ATP8B4: variants seen among roughly 807,000 people sequenced by gnomAD.
ATP8B4 encodes ATPase phospholipid transporting 8B4 (putative).
Under a neutral mutation model 145.6 loss-of-function variants are expected in ATP8B4, and 133 were observed. The observed-to-expected ratio is 0.91, with a 90% CI of 0.79 to 1.05. The LOEUF (loss-of-function observed/expected upper bound fraction) is 1.05. Among genes scored for constraint, ATP8B4 ranks in the 50% least tolerant of loss-of-function variants. ATP8B4 has a pLI of 0.00. For missense variants in ATP8B4, 1,458 were observed against 1,425.2 expected, an observed-to-expected ratio of 1.02 and a Z score of -0.37; for synonymous variants, 507 against 492.9, an observed-to-expected ratio of 1.03 and a Z score of -0.38.
At chr15:49,924,867 G>T (rs1414284936) in intron 16 of ATP8B4, among the ~76,000 whole-genome samples, 3 of 152,126 alleles carry the variant, frequency 2.0e-5, no homozygotes, top group Non-Finnish European at 4.4e-5. Context: ...TTAAACCAGG[G>T]GGGGAAACTT....
intron 1 of ATP8B4, among the ~76,000 whole-genome samples, chr15:50,157,564 T>C: frequency 6.6e-6 from 1 of 152,166 alleles, no homozygotes; most frequent in Non-Finnish European, 1.5e-5. Context: ...TCCAGGTTTG[T>C]TGTTGTTTGT....
intron 6 of ATP8B4, among the ~76,000 whole-genome samples, chr15:50,038,215 A>G (rs889220383): frequency 6.6e-6 from 1 of 152,330 alleles, no homozygotes; most frequent in Admixed American, 6.5e-5. Context: ...GGATAAATGC[A>G]TGTGTTTTTA....
chr15:50,162,697 G>A (rs1000777312), intron 1 of ATP8B4, among the ~76,000 whole-genome samples: 7 of 151,792 alleles, frequency 4.6e-5, no homozygotes, highest in Non-Finnish European at 1.0e-4. Flanking sequence ...TAGTAGAGGC[G>A]GGGTTTCACT....
chr15:49,966,672 G>A (rs918385783), intron 13 of ATP8B4, among the ~76,000 whole-genome samples: 17 of 152,196 alleles, frequency 1.1e-4, no homozygotes, highest in African/African-American at 3.9e-4. Context: ...CCTGGGGGAA[G>A]GGGTGGCTGT....
intron 20 of ATP8B4, among the ~76,000 whole-genome samples, chr15:49,901,617 G>A (rs915204883): frequency 6.6e-6 from 1 of 152,132 alleles, no homozygotes; most frequent in Non-Finnish European, 1.5e-5. Flanking sequence ...ATAATGGAAA[G>A]CACAAGACTA....
Position 49,878,900 on chromosome 15 carries a change from CT to C in ATP8B4, c.2781+475del, listed in dbSNP as rs145854641. Among the ~76,000 whole-genome samples the C allele has an allele frequency of 2.0e-3, 306 of 152,328 alleles. 1 individual carries two copies. The highest frequency in any genetic ancestry group is 0.01 in the Middle Eastern group (3 of 294). On this transcript the variant is annotated intron_variant, in intron 24 of 27. Coordinates refer to ENST00000284509, the MANE Select transcript of ATP8B4 (RefSeq NM_024837.4). ...GAGTCTCACTGCAGGTGTTAGCCCC[CT>C]GTGTTCCAACCTAGCCCCATGATTT...
At chr15:49,944,924 A>C (rs1239833903) in intron 14 of ATP8B4, among the ~76,000 whole-genome samples, 5 of 152,166 alleles carry the variant, frequency 3.3e-5, no homozygotes, top group African/African-American at 9.7e-5. Flanking sequence ...TGGAATCCTC[A>C]CCAAAATGTG....
At chr15:50,171,464 A>G (rs2044673755) in intron 1 of ATP8B4, among the ~76,000 whole-genome samples, 1 of 152,256 alleles carries the variant, frequency 6.6e-6, no homozygotes, top group Admixed American at 6.5e-5. Flanking sequence ...AGCTTTGGGT[A>G]AAAACGAAAT....
At position 49,920,334 on chromosome 15, in the gene ATP8B4, T is replaced by G. The variant is rs551895250; in HGVS notation, c.1835A>C (p.His612Pro). The change falls in exon 18 of 28, where the codon CAT (histidine) becomes CCT (proline). Residue 612 changes from histidine (H) to proline (P), a missense_variant. By Grantham distance (77) the His-to-Pro change is moderately conservative. Transcript: ENST00000284509. ...DLDDKYFKEWHKMLEDANAAT... is the reference protein window; with the variant it reads ...DLDDKYFKEWPKMLEDANAAT... ...AGCATTCGCATCTTCAAGCATCTTA[T>G]GCCACTCTTTAAAGTACTTGTCATC... 1 of 1,614,246 alleles carries G rather than the reference T, an allele frequency of 6.2e-7. No individual in the cohort carries two copies. The highest frequency in any genetic ancestry group is 8.5e-7 in the Non-Finnish European group (1 of 1,180,036).
intron 24 of ATP8B4, 159 bp from the exon 25 acceptor site, chr15:49,876,682 A>T: frequency 9.9e-7 from 1 of 1,006,350 alleles, no homozygotes; most frequent in East Asian, 2.6e-5. Context: ...TATTCCCACA[A>T]TAAACCAGAA....
Position 50,015,238 on chromosome 15 carries a change from TAGAG to T in ATP8B4, c.363-4325_363-4322del, listed in dbSNP as rs535463897. ...CACAAGAAACTACTGTGGTTGACAATAGAGAAAGAAAATGAAGAGGGAAATTGGG... is the reference window on the plus strand; with the variant it reads ...CACAAGAAACTACTGTGGTTGACAATAAAGAAAATGAAGAGGGAAATTGGG... On this transcript the variant is annotated intron_variant, in intron 6 of 27. Transcript: ENST00000284509. Among the ~76,000 whole-genome samples the T allele has an allele frequency of 1.7e-3, 259 of 152,294 alleles. 2 individuals carry two copies. The highest frequency in any genetic ancestry group is 3.4e-3 in the Middle Eastern group (1 of 294).
At chr15:49,928,158 A>G (rs1021974373) in intron 16 of ATP8B4, among the ~76,000 whole-genome samples, 1 of 152,194 alleles carries the variant, frequency 6.6e-6, no homozygotes, top group Non-Finnish European at 1.5e-5. Flanking sequence ...TGCCTGAGGT[A>G]GCACACAGTT....
At chr15:49,931,357 C>A in intron 15 of ATP8B4, 50 bp from the exon 16 acceptor site, 1 of 1,538,008 alleles carries the variant, frequency 6.5e-7, no homozygotes, top group South Asian at 1.2e-5. Flanking sequence ...AGCTAACATT[C>A]ATAGAGTTCC....
chr15:50,009,493 C>A, intron 7 of ATP8B4: 1 of 331,660 alleles, frequency 3.0e-6, no homozygotes, highest in Non-Finnish European at 5.9e-6. Context: ...TCTTATTTGA[C>A]ACATGGACAA....
In ATP8B4 at chr15:50,074,205, G is replaced by C; in HGVS notation, c.29-20C>G. 1.3e-6 allele frequency: 2 copies of C among 1,597,630 alleles called. No individual in the cohort carries two copies. The highest frequency in any genetic ancestry group is 1.7e-5 in the Admixed American group (1 of 58,208). On this transcript the variant is annotated intron_variant, in intron 2 of 27. Coordinates refer to ENST00000284509, the MANE Select transcript of ATP8B4 (RefSeq NM_024837.4). ...CCACTTCTAAAGAGAGAGAAATCAA[G>C]TATGAAATTAAATTGTAGGCCCAGA...
At chr15:50,095,159 T>C (rs967794528) in intron 2 of ATP8B4, among the ~76,000 whole-genome samples, 12 of 152,028 alleles carry the variant, frequency 7.9e-5, no homozygotes, top group Non-Finnish European at 1.6e-4. Flanking sequence ...ATGAGAAAGA[T>C]AGCAGCCCTT....
At chr15:50,095,508 A>G (rs746025171) in intron 2 of ATP8B4, among the ~76,000 whole-genome samples, 1 of 152,180 alleles carries the variant, frequency 6.6e-6, no homozygotes, top group African/African-American at 2.4e-5. Flanking sequence ...GTAATTGTTA[A>G]CACTTTAGGA....
chr15:50,158,470 T>A lies in ATP8B4; in HGVS notation c.-43+23791A>T, dbSNP rs1330490931. Among the ~76,000 whole-genome samples, 5 of 147,730 alleles carry A rather than the reference T, an allele frequency of 3.4e-5. No individual in the cohort carries two copies. In the South Asian group the frequency reaches 1.1e-3, roughly 32 times the overall value. Reference sequence around the variant, plus strand: ...AGACCCCGCCCGGCCAGCCGCCCCGTCCGGGAGGGAGGTGGGGGGGCGCCT... The same window carrying A: ...AGACCCCGCCCGGCCAGCCGCCCCGACCGGGAGGGAGGTGGGGGGGCGCCT... On this transcript the variant is annotated intron_variant, in intron 1 of 3. Coordinates refer to the ATP8B4 transcript ENST00000558829.
chr15:49,948,660 G>C (rs2042791225), intron 14 of ATP8B4, among the ~76,000 whole-genome samples: 1 of 152,044 alleles, frequency 6.6e-6, no homozygotes, highest in Non-Finnish European at 1.5e-5. Flanking sequence ...TCTTTTTCTT[G>C]CAAATATGTT....
Sources: gnomAD v4.1 joint callset for allele counts (sites outside exome capture counted in the v4.1 genomes callset) on GRCh38, gnomAD v4.1.1 for gene constraint, MANE v1.5 for transcripts, NCBI Gene and HGNC (gene_info 2026-07-23, HGNC 2026-07-21) for gene names.